ABCB4: variants seen among roughly 807,000 people sequenced by gnomAD.
The protein encoded by ABCB4 is phosphatidylcholine translocator ABCB4.
In ABCB4, 76 loss-of-function variants were observed where a neutral mutation model predicts 145.7. The ratio of observed to expected loss-of-function variants is 0.52; its 90% CI spans 0.43 to 0.63. The LOEUF (loss-of-function observed/expected upper bound fraction) is 0.63. ABCB4 is among the 30% of genes least tolerant of loss of function. The pLI, the probability that ABCB4 is intolerant of heterozygous loss-of-function variation, is 0.00. For synonymous variants in ABCB4, 517 were observed against 566.8 expected (o/e 0.91, Z 1.25); for missense variants, 1,234 against 1,553.1 (o/e 0.79, Z 3.45).
the ABCB4 span, among the ~76,000 whole-genome samples, chr7:87,376,157 G>A: frequency 3.9e-5 from 6 of 152,046 alleles, no homozygotes; most frequent in East Asian, 9.7e-4. Context: ...AGTTTGTTTA[G>A]CTATATATTA....
intron 18 of ABCB4, among the ~76,000 whole-genome samples, chr7:87,420,280 A>G (rs1024895519): frequency 6.6e-6 from 1 of 152,194 alleles, no homozygotes; most frequent in Admixed American, 6.5e-5. Flanking sequence ...AACAAGAATC[A>G]GGGACTGAAT....
At chr7:87,474,952 G>A (rs1813691739) in intron 2 of ABCB4, among the ~76,000 whole-genome samples, 2 of 152,156 alleles carry the variant, frequency 1.3e-5, no homozygotes, top group South Asian at 4.2e-4. Flanking sequence ...TGGGCAGGAG[G>A]GGAGGGAGTT....
At chr7:87,461,969 C>A (rs1328321134) in intron 4 of ABCB4, among the ~76,000 whole-genome samples, 1 of 152,198 alleles carries the variant, frequency 6.6e-6, no homozygotes, top group East Asian at 1.9e-4. Context: ...ATTCTACCAT[C>A]TGTGCAACAG....
intron 5 of ABCB4, among the ~76,000 whole-genome samples, chr7:87,454,100 T>G (rs953652229): frequency 2.6e-5 from 4 of 152,214 alleles, no homozygotes; most frequent in African/African-American, 9.6e-5. Context: ...TAGACACCTT[T>G]CAGGCCTTTT....
downstream of ABCB4, among the ~76,000 whole-genome samples, chr7:87,400,770 A>G (rs997559024): frequency 3.3e-5 from 5 of 152,218 alleles, no homozygotes; most frequent in African/African-American, 1.2e-4. Context: ...CAGTGAGTAT[A>G]ATGCAAATAT....
At chr7:87,456,682 T>C (rs1289410620) in intron 4 of ABCB4, among the ~76,000 whole-genome samples, 3 of 152,124 alleles carry the variant, frequency 2.0e-5, no homozygotes, top group Non-Finnish European at 2.9e-5. Flanking sequence ...CAACACAAAA[T>C]GGACTAACAC....
chr7:87,410,708 C>T (rs1230526509), intron 23 of ABCB4, among the ~76,000 whole-genome samples: 2 of 152,192 alleles, frequency 1.3e-5, no homozygotes, highest in East Asian at 3.8e-4. Context: ...TCCCCCTACT[C>T]CATGTCTGGG....
chr7:87,459,386 C>T (rs753524060), intron 4 of ABCB4, among the ~76,000 whole-genome samples: 3 of 152,116 alleles, frequency 2.0e-5, no homozygotes, highest in South Asian at 2.1e-4. Flanking sequence ...AAAGTAGAAT[C>T]GAACAGTATT....
chr7:87,451,875 A>C, intron 6 of ABCB4, 81 bp from the exon 7 acceptor site: 1 of 1,396,588 alleles, frequency 7.2e-7, no homozygotes, highest in Non-Finnish European at 1.0e-6. Context: ...AAACACATAG[A>C]CAAGTAAAAT....
the ABCB4 span, among the ~76,000 whole-genome samples, chr7:87,379,607 C>G: frequency 2.0e-5 from 3 of 152,176 alleles, no homozygotes; most frequent in Non-Finnish European, 4.4e-5. Flanking sequence ...GAATATTGGG[C>G]TCATAATGAG....
At chr7:87,408,679 T>C (rs1475263877) in intron 24 of ABCB4, among the ~76,000 whole-genome samples, 2 of 152,198 alleles carry the variant, frequency 1.3e-5, no homozygotes, top group African/African-American at 4.8e-5. Flanking sequence ...AGCAATTTTA[T>C]CAGAACATGA....
At chr7:87,382,299 C>A in the ABCB4 span, 1 of 1,425,326 alleles carries the variant, frequency 7.0e-7, no homozygotes, top group Non-Finnish European at 9.7e-7. Flanking sequence ...ATGCCTTTAA[C>A]ACCTTTAATT....
the ABCB4 span, chr7:87,375,497 A>G: frequency 3.4e-6 from 2 of 585,998 alleles, no homozygotes; most frequent in South Asian, 2.3e-5. Flanking sequence ...TAGGAAATCT[A>G]TTGGCATCAT....
chr7:87,464,723 A>C (rs1318825506), intron 3 of ABCB4, among the ~76,000 whole-genome samples: 1 of 152,210 alleles, frequency 6.6e-6, no homozygotes, highest in African/African-American at 2.4e-5. Context: ...GACAAAAAAT[A>C]TCTATTAAGA....
rs1395045331 is a variant in ABCB4 at position 87,420,030 on chromosome 7, G to A, written c.2362C>T (p.Arg788Trp). 2.5e-6 allele frequency: 4 copies of A among 1,614,088 alleles called. No individual in the cohort carries two copies. The highest frequency in any genetic ancestry group is 1.1e-5 in the South Asian group (1 of 91,084). The change falls in exon 19 of 28, where the codon CGG becomes TGG. Residue 788 changes from arginine to tryptophan, a missense_variant. By Grantham distance (101) the Arg-to-Trp change is moderately radical (BLOSUM62 -3). Around this residue, in one of 7 missense-constraint regions of ABCB4, gnomAD observed 321 missense variants for 332.6 expected, o/e 0.97. Transcript: ENST00000649586. ...KAGEILTRRL[R>W]SMAFKAMLRQ... ...AGCATTGCTTTAAAAGCCATTGACC[G>A]CAGTCTTCTGGTGAGGATCTCGCCA...
chr7:87,406,241 G>A (rs184174281), intron 26 of ABCB4, 47 bp downstream of exon 26: 8 of 1,573,384 alleles, frequency 5.1e-6, no homozygotes, highest in African/African-American at 2.7e-5. Context: ...TAATTGTTTG[G>A]GGGATAAAAA....
chr7:87,399,541 T>G (rs188585146), downstream of ABCB4: 2 of 152,314 alleles, frequency 1.3e-5, no homozygotes, highest in Admixed American at 6.5e-5. Flanking sequence ...AGTATGGAGA[T>G]GTATACCCTC....
chr7:87,377,430 G>A, the ABCB4 span: 1 of 1,605,500 alleles, frequency 6.2e-7, no homozygotes, highest in South Asian at 1.1e-5. Context: ...TTCTAATGGA[G>A]TATTTGGCTG....
At chr7:87,403,070 G>T in intron 27 of ABCB4, 65 bp downstream of exon 27, 2 of 1,561,772 alleles carry the variant, frequency 1.3e-6, no homozygotes, top group African/African-American at 1.4e-5. Context: ...TTTTTTCATG[G>T]TTGACAGCAA....
Sources: gnomAD v4.1 joint callset for allele counts (sites outside exome capture counted in the v4.1 genomes callset) on GRCh38, gnomAD v4.1.1 for gene constraint, gnomAD v4.1.1 regional missense constraint, MANE v1.5 for transcripts, NCBI Gene and HGNC (gene_info 2026-07-23, HGNC 2026-07-21) for gene names.